The following INSL6 variants were observed in gnomAD, a reference collection of about 807,000 sequenced individuals.
The protein encoded by INSL6 is insulin like 6.
In INSL6, 16 loss-of-function variants were observed where a neutral mutation model predicts 9.4. That is an observed-to-expected ratio of 1.70 (90% CI 1.15 to 2.59). The LOEUF is 2.59. Among genes scored for constraint, INSL6 ranks in the 30% most tolerant of loss-of-function variants. INSL6 has a pLI of 0.00. For missense variants in INSL6, 391 were observed against 257.3 expected (o/e 1.52, Z -3.56); for synonymous variants, 154 against 96.9 (o/e 1.59, Z -3.46).
intron 2 of INSL6, among the ~76,000 whole-genome samples, chr9:5,142,705 G>C (rs554028628): frequency 2.6e-5 from 4 of 152,212 alleles, no homozygotes; most frequent in Admixed American, 1.3e-4. Flanking sequence ...TTTCTTGCCT[G>C]ATCACCCTGG....
chr9:5,157,020 A>G (rs1824829097), intron 2 of INSL6, among the ~76,000 whole-genome samples: 1 of 152,210 alleles, frequency 6.6e-6, no homozygotes, highest in Admixed American at 6.5e-5. Flanking sequence ...GTTTCAAAAA[A>G]TAAAATAAAA....
In INSL6 at chr9:5,132,981, C is replaced by G. The variant is rs1447159423; in HGVS notation, c.*10+444G>C. 7 of 152,040 alleles carry G rather than the reference C, an allele frequency of 4.6e-5. No homozygotes were observed. The East Asian group carries it at 1.2e-3, about 25-fold the overall frequency. 9.4% of individuals were successfully genotyped at this position (152,040 alleles called of 1,614,324 possible). A position where few individuals can be genotyped will look rare whatever the true frequency, so the allele number is the denominator to read the frequency against. On this transcript the variant is annotated intron_variant, in intron 3 of 3. Transcript: ENST00000649639. ...AATAATCTCATCATCCATAAAGATC[C>G]CAGAGGAAGGGTATGTTGGACCTGG...
chr9:5,076,952 GT>G, the INSL6 span, among the ~76,000 whole-genome samples: 1 of 149,250 alleles, frequency 6.7e-6, no homozygotes, highest in South Asian at 2.1e-4. Context: ...TTTTAAAAAA[GT>G]TTTAAAGATA....
intron 2 of INSL6, among the ~76,000 whole-genome samples, chr9:5,144,222 C>T (rs1824555645): frequency 6.6e-6 from 1 of 152,154 alleles, no homozygotes; most frequent in African/African-American, 2.4e-5. Context: ...TCATTAGTTG[C>T]AAAGAATGTC....
At chr9:5,161,039 T>C (rs1007223249), downstream of INSL6, among the ~76,000 whole-genome samples, 3 of 152,114 alleles carry the variant, frequency 2.0e-5, no homozygotes, top group Non-Finnish European at 4.4e-5. Context: ...CTACTCAAAC[T>C]AATCCAAAAA....
downstream of INSL6, chr9:5,163,776 T>G: frequency 1.6e-6 from 1 of 632,292 alleles, no homozygotes; most frequent in Non-Finnish European, 2.8e-6. Context: ...CTATTACCAC[T>G]ATAAGGTATG....
At chr9:5,098,167 C>G in the INSL6 span, 215 of 152,236 alleles carry the variant, frequency 1.4e-3, 1 homozygote, top group African/African-American at 5.1e-3. Context: ...CACCTTACCA[C>G]ACATTTGAAG....
the INSL6 span, among the ~76,000 whole-genome samples, chr9:5,034,619 A>T: frequency 1.3e-5 from 2 of 152,094 alleles, no homozygotes; most frequent in African/African-American, 4.8e-5. Context: ...GAAACTGAAC[A>T]ACCTGCTCCT....
chr9:5,126,391 T>G, intron 3 of INSL6: 1 of 1,611,156 alleles, frequency 6.2e-7, no homozygotes, highest in Non-Finnish European at 8.5e-7. Flanking sequence ...TTCCATTTGA[T>G]AGAACTTTTG....
chr9:4,993,870 G>C, the INSL6 span, among the ~76,000 whole-genome samples: 1 of 152,176 alleles, frequency 6.6e-6, no homozygotes, highest in Non-Finnish European at 1.5e-5. Context: ...GGGTTTTTCC[G>C]GGTGCTCCAA....
At chr9:5,055,295 G>C in the INSL6 span, among the ~76,000 whole-genome samples, 2 of 152,064 alleles carry the variant, frequency 1.3e-5, no homozygotes, top group Non-Finnish European at 2.9e-5. Flanking sequence ...TGCAAGTTTT[G>C]AATTTGTTAA....
At chr9:5,085,702 G>A in the INSL6 span, 1 of 748,204 alleles carries the variant, frequency 1.3e-6, no homozygotes. Context: ...TCGTGAACAA[G>A]ACTAGCAGTG....
the INSL6 span, among the ~76,000 whole-genome samples, chr9:5,056,446 T>A: frequency 1.3e-5 from 2 of 152,112 alleles, no homozygotes; most frequent in African/African-American, 4.8e-5. Flanking sequence ...ATTTGTCTAT[T>A]TATCTTAAGT....
rs538825930 is a variant in INSL6, at chr9:5,125,002, C to T, written c.*11-491G>A. ...TCTCTTAATATTACTTTTATTAAAT[C>T]CAGTAAGCTAATTCATTCTAGGAAT... On this transcript the variant is annotated intron_variant, in intron 3 of 3. Coordinates refer to the INSL6 transcript ENST00000649639. 2.4e-4 allele frequency among the ~76,000 whole-genome samples: 36 copies of T among 151,222 alleles called. 3 individuals carry two copies. In the South Asian group the frequency reaches 4.8e-3, roughly 20 times the overall value.
intron 2 of INSL6, among the ~76,000 whole-genome samples, chr9:5,155,881 C>A (rs989886945): frequency 6.6e-6 from 1 of 151,658 alleles, no homozygotes; most frequent in Non-Finnish European, 1.5e-5. Context: ...AACAAACCTG[C>A]ATGTTCTGCA....
intron 2 of INSL6, among the ~76,000 whole-genome samples, chr9:5,138,730 TA>T (rs5896113): frequency 2.0e-5 from 3 of 150,364 alleles, no homozygotes; most frequent in African/African-American, 7.3e-5. Context: ...TAAACTATAA[TA>T]AAAAAAAATA....
the INSL6 span, among the ~76,000 whole-genome samples, chr9:5,043,189 C>T: frequency 3.0e-4 from 46 of 152,308 alleles, no homozygotes; most frequent in Admixed American, 2.9e-3. Flanking sequence ...GGACTCCCAG[C>T]GGGTCAGCTT....
intron 2 of INSL6, among the ~76,000 whole-genome samples, chr9:5,143,054 T>C (rs926275885): frequency 1.3e-5 from 2 of 152,174 alleles, no homozygotes; most frequent in African/African-American, 4.8e-5. Context: ...TACTCGATTG[T>C]GATTGATTAG....
intron 2 of INSL6, among the ~76,000 whole-genome samples, chr9:5,154,451 A>G (rs1204083252): frequency 6.6e-6 from 1 of 152,220 alleles, no homozygotes; most frequent in Non-Finnish European, 1.5e-5. Flanking sequence ...AGCAATGGCA[A>G]CAAAAGCCAA....
Sources: allele counts gnomAD v4.1 joint callset (sites outside exome capture counted in the v4.1 genomes callset), GRCh38; gene constraint gnomAD v4.1.1; transcripts MANE v1.5; gene names NCBI Gene and HGNC (gene_info 2026-07-23, HGNC 2026-07-21).